The following FNBP1L variants were observed in gnomAD, a reference collection of about 807,000 sequenced individuals.
FNBP1L encodes formin-binding protein 1-like.
Under a neutral mutation model 91.2 loss-of-function variants are expected in FNBP1L, and 36 were observed. That is an observed-to-expected ratio of 0.39 (90% CI 0.30 to 0.52). The LOEUF (loss-of-function observed/expected upper bound fraction) is 0.52. Among genes scored for constraint, FNBP1L ranks in the 20% least tolerant of loss-of-function variants. The pLI is 0.66. For synonymous variants in FNBP1L, 242 were observed against 237.0 expected (o/e 1.02, Z -0.19); for missense variants, 571 against 732.1 (o/e 0.78, Z 2.54).
chr1:93,449,432 A>G (rs1211706722), intron 1 of FNBP1L, among the ~76,000 whole-genome samples: 1 of 152,198 alleles, frequency 6.6e-6, no homozygotes, highest in Non-Finnish European at 1.5e-5. Flanking sequence ...AAATCACTGC[A>G]GAGAAAGGGG....
At chr1:93,528,355 A>T (rs1163032174) in intron 5 of FNBP1L, among the ~76,000 whole-genome samples, 1 of 152,176 alleles carries the variant, frequency 6.6e-6, no homozygotes. Flanking sequence ...TGGGTCAGGA[A>T]TCAGAATGGA....
At chr1:93,471,750 T>C (rs903716578) in intron 1 of FNBP1L, among the ~76,000 whole-genome samples, 2 of 152,198 alleles carry the variant, frequency 1.3e-5, no homozygotes, top group Non-Finnish European at 2.9e-5. Context: ...CATTGTTTCT[T>C]GCTTGGGTGA....
chr1:93,529,177 C>G (rs775493224), intron 5 of FNBP1L, among the ~76,000 whole-genome samples: 1 of 151,846 alleles, frequency 6.6e-6, no homozygotes, highest in Non-Finnish European at 1.5e-5. Context: ...CAAAAAAGTC[C>G]TCCTGAAGAT....
chr1:93,549,925 C>T (rs1455029569), intron 15 of FNBP1L, among the ~76,000 whole-genome samples: 2 of 152,178 alleles, frequency 1.3e-5, no homozygotes, highest in South Asian at 4.1e-4. Flanking sequence ...TAGCTACTGA[C>T]TATGTTATCT....
In FNBP1L at chr1:93,549,358, A is replaced by G. The variant is rs1206026779; in HGVS notation, c.1583A>G (p.Asp528Gly). The G allele has an allele frequency of 1.2e-6, 2 of 1,612,900 alleles. No individual in the cohort carries two copies. The highest frequency in any genetic ancestry group is 1.7e-5 in the Admixed American group (1 of 59,784). Residue 528 changes from aspartate to glycine, a missense_variant, in exon 15 of 17, where the codon GAT (aspartate) becomes GGT (glycine). By Grantham distance (94) the Asp-to-Gly change is moderately conservative. Coordinates refer to ENST00000271234, the MANE Select transcript of FNBP1L (RefSeq NM_001164473.3). ...CAGCATGGTCACCACAATGAGTTTG[A>G]TGATGAATTTGAGGATGATGATCCC... ...PQQHGHHNEF[D>G]DEFEDDDPLP...
intron 1 of FNBP1L, among the ~76,000 whole-genome samples, chr1:93,494,287 C>A (rs1268089803): frequency 6.6e-6 from 1 of 152,124 alleles, no homozygotes. Context: ...TGGAAAGACC[C>A]AGGGTGCATG....
Position 93,448,133 on chromosome 1 carries a change from A to T in FNBP1L, c.-149A>T. 1 of 975,100 alleles carries T rather than the reference A, an allele frequency of 1.0e-6. No homozygotes were observed. The highest frequency in any genetic ancestry group is 1.6e-5 in the South Asian group (1 of 61,118). The allele number at this position is 975,100 out of a possible 1,614,324, so 60.4% of individuals were successfully genotyped here. A position where few individuals can be genotyped will look rare whatever the true frequency, so the allele number is the denominator to read the frequency against. ...AGGCTTCTCCAGTCGCGTCTTTCTC[A>T]CTCACTGGGGAGCCCGGCGGTGGCG... On this transcript the variant is annotated 5_prime_UTR_variant, in exon 1 of 17. Coordinates refer to ENST00000271234, the MANE Select transcript of FNBP1L (RefSeq NM_001164473.3).
At chr1:93,527,019 A>G (rs907739246) in intron 5 of FNBP1L, among the ~76,000 whole-genome samples, 7 of 152,124 alleles carry the variant, frequency 4.6e-5, no homozygotes, top group African/African-American at 1.7e-4. Context: ...GTATTTAAAT[A>G]TTTTAGGGGC....
intron 1 of FNBP1L, among the ~76,000 whole-genome samples, chr1:93,491,712 A>C (rs1462537439): frequency 6.6e-6 from 1 of 152,202 alleles, no homozygotes; most frequent in Non-Finnish European, 1.5e-5. Context: ...GTGCCTTTTA[A>C]AGCTGATTGC....
intron 1 of FNBP1L, among the ~76,000 whole-genome samples, chr1:93,490,508 A>C (rs1338000318): frequency 6.6e-6 from 1 of 152,226 alleles, no homozygotes; most frequent in Non-Finnish European, 1.5e-5. Context: ...TTCATTTCAC[A>C]CAAGCTATGG....
Position 93,452,974 on chromosome 1 carries a change from TAACTTTACTGTAA to T in FNBP1L, c.24+4671_24+4683del, listed in dbSNP as rs559816005. 2.0e-5 allele frequency among the ~76,000 whole-genome samples: 3 copies of T among 152,322 alleles called. No homozygotes were observed. The East Asian group carries it at 5.8e-4, about 29-fold the overall frequency. ...AAGGTAGAGTTGCTTTGAGATGATATAACTTTACTGTAAACTCCAAAATACTTCCCTACATTGA... is the reference window on the plus strand; with the variant it reads ...AAGGTAGAGTTGCTTTGAGATGATATACTCCAAAATACTTCCCTACATTGA... On this transcript the variant is annotated intron_variant, in intron 1 of 16. Transcript: ENST00000271234.
intron 2 of FNBP1L, among the ~76,000 whole-genome samples, chr1:93,513,277 A>G (rs1163497600): frequency 6.6e-6 from 1 of 151,640 alleles, no homozygotes; most frequent in Non-Finnish European, 1.5e-5. Context: ...GCAATAATCA[A>G]TAGCTTACCA....
At chr1:93,528,498 A>AT (rs1309668191) in intron 5 of FNBP1L, among the ~76,000 whole-genome samples, 6 of 152,302 alleles carry the variant, frequency 3.9e-5, no homozygotes, top group Middle Eastern at 6.8e-3. Flanking sequence ...TGGTAAATGC[A>AT]TTTTTAGCCA....
At chr1:93,469,940 G>T (rs972260164) in intron 1 of FNBP1L, among the ~76,000 whole-genome samples, 1 of 152,100 alleles carries the variant, frequency 6.6e-6, no homozygotes, top group Non-Finnish European at 1.5e-5. Context: ...TGCAGTCTGG[G>T]CAACAGAGTG....
intron 2 of FNBP1L, among the ~76,000 whole-genome samples, chr1:93,512,136 G>A (rs1245221061): frequency 2.6e-5 from 4 of 152,188 alleles, no homozygotes; most frequent in South Asian, 2.1e-4. Context: ...TCTCTGATAA[G>A]ACAGACTTTA....
At chr1:93,540,840 T>A in intron 10 of FNBP1L, among the ~76,000 whole-genome samples, 1 of 119,000 alleles carries the variant, frequency 8.4e-6, no homozygotes, top group African/African-American at 3.5e-5. Context: ...ATCATCAATG[T>A]ATGCTTTTTT....
At chr1:93,531,233 G>C (rs1005775358) in intron 7 of FNBP1L, among the ~76,000 whole-genome samples, 4 of 152,280 alleles carry the variant, frequency 2.6e-5, no homozygotes, top group East Asian at 3.9e-4. Context: ...CCAAACCAGA[G>C]TCATTGGCAT....
intron 1 of FNBP1L, among the ~76,000 whole-genome samples, chr1:93,479,390 C>T (rs991918320): frequency 5.3e-5 from 8 of 152,156 alleles, no homozygotes; most frequent in East Asian, 3.9e-4. Flanking sequence ...CAGCTGTGCA[C>T]GTATTATCTT....
chr1:93,524,458 AT>A, intron 5 of FNBP1L, 135 bp downstream of exon 5: 1 of 581,544 alleles, frequency 1.7e-6, no homozygotes. Context: ...GTATTATTGT[AT>A]AATAGTCAAT....
Sources: allele counts gnomAD v4.1 joint callset (sites outside exome capture counted in the v4.1 genomes callset), GRCh38; gene constraint gnomAD v4.1.1; transcripts MANE v1.5; gene names NCBI Gene and HGNC (gene_info 2026-07-23, HGNC 2026-07-21).